The following MB21D2 variants were observed in gnomAD, a reference collection of about 807,000 sequenced individuals.
MB21D2 encodes nucleotidyltransferase MB21D2.
In MB21D2, 9 loss-of-function variants were observed where a neutral mutation model predicts 33.3. The observed-to-expected ratio is 0.27, with a 90% CI of 0.16 to 0.47. The LOEUF (loss-of-function observed/expected upper bound fraction) is 0.47. Ranked by LOEUF, MB21D2 falls within the 20% of genes least tolerant of loss-of-function variation. MB21D2 has a pLI of 0.99. For synonymous variants in MB21D2, 241 were observed against 236.3 expected (o/e 1.02, Z -0.18); for missense variants, 540 against 624.6 (o/e 0.86, Z 1.44).
chr3:192,862,703 A>C (rs1713077061), intron 1 of MB21D2, among the ~76,000 whole-genome samples: 2 of 152,190 alleles, frequency 1.3e-5, no homozygotes, highest in Non-Finnish European at 2.9e-5. Context: ...TCATACACTT[A>C]AGAGAAAAGG....
chr3:192,849,244 A>T (rs76407937), intron 1 of MB21D2, among the ~76,000 whole-genome samples: 2,741 of 139,954 alleles, frequency 0.02, 87 homozygotes, highest in African/African-American at 0.07. Flanking sequence ...GTACTGTGAG[A>T]CTCTTCCTCC....
At chr3:192,878,695 G>A (rs1255274628) in intron 1 of MB21D2, among the ~76,000 whole-genome samples, 1 of 152,176 alleles carries the variant, frequency 6.6e-6, no homozygotes, top group African/African-American at 2.4e-5. Context: ...AGGCTGCAGT[G>A]GCTCATGGCT....
intron 1 of MB21D2, among the ~76,000 whole-genome samples, chr3:192,847,599 T>A (rs1712703287): frequency 6.6e-6 from 1 of 152,184 alleles, no homozygotes; most frequent in Admixed American, 6.5e-5. Context: ...GAAACACCCT[T>A]CACCATAATG....
At chr3:192,840,569 T>A (rs1484256464) in intron 1 of MB21D2, among the ~76,000 whole-genome samples, 1 of 151,982 alleles carries the variant, frequency 6.6e-6, no homozygotes, top group Non-Finnish European at 1.5e-5. Flanking sequence ...CGCAAGAGCA[T>A]CACTTGTTAG....
At chr3:192,859,308 C>G (rs1160681905) in intron 1 of MB21D2, among the ~76,000 whole-genome samples, 1 of 152,204 alleles carries the variant, frequency 6.6e-6, no homozygotes, top group African/African-American at 2.4e-5. Context: ...TACATGCATA[C>G]TCTCTCATCT....
At chr3:192,861,572 C>T (rs963097883) in intron 1 of MB21D2, among the ~76,000 whole-genome samples, 7 of 152,140 alleles carry the variant, frequency 4.6e-5, no homozygotes, top group African/African-American at 1.7e-4. Flanking sequence ...TTTGGGAGGC[C>T]AAGGCGGGTG....
At chr3:192,900,597 A>G (rs926039606) in intron 1 of MB21D2, among the ~76,000 whole-genome samples, 2 of 151,856 alleles carry the variant, frequency 1.3e-5, no homozygotes, top group African/African-American at 4.8e-5. Context: ...CTAAGACTGT[A>G]TAAGTAACAT....
intron 1 of MB21D2, among the ~76,000 whole-genome samples, chr3:192,862,909 T>C (rs931730548): frequency 6.6e-6 from 1 of 152,184 alleles, no homozygotes; most frequent in Non-Finnish European, 1.5e-5. Flanking sequence ...CCTCAAAAAA[T>C]GGTGCCCTGT....
intron 1 of MB21D2, among the ~76,000 whole-genome samples, chr3:192,906,220 CT>C (rs1714213006): frequency 6.6e-6 from 1 of 152,100 alleles, no homozygotes; most frequent in Admixed American, 6.6e-5. Context: ...GACAGAGGGC[CT>C]TTTGAGGACT....
intron 1 of MB21D2, among the ~76,000 whole-genome samples, chr3:192,834,785 G>C (rs1007634735): frequency 6.7e-6 from 1 of 150,298 alleles, no homozygotes; most frequent in African/African-American, 2.5e-5. Context: ...TCTACCACAG[G>C]TACAGATGTT....
rs141992753 is a variant in MB21D2, at chr3:192,884,047, T to C, written c.211+33583A>G. 1.4e-3 allele frequency among the ~76,000 whole-genome samples: 216 copies of C among 152,026 alleles called. 3 individuals are homozygous for C. The South Asian group carries it at 0.018, about 13-fold the overall frequency. ...TCACAGCAAAGTAGGTGAACATGAG[T>C]CAAAACCAGTTAGATTCACACACAT... On this transcript the variant is annotated intron_variant, in intron 1 of 1. Coordinates refer to ENST00000392452, the MANE Select transcript of MB21D2 (RefSeq NM_178496.4).
chr3:192,859,837 G>T lies in MB21D2; in HGVS notation c.211+57793C>A, dbSNP rs1713000453. ...CATCCCATGTGGAGGAAACAATATG[G>T]AAAAGTATTTAGACTTTTCGAGCCT... On this transcript the variant is annotated intron_variant, in intron 1 of 1. Transcript: ENST00000392452. Among the ~76,000 whole-genome samples the T allele has an allele frequency of 2.6e-5, 4 of 152,018 alleles. No homozygotes were observed. The South Asian group carries it at 6.3e-4, about 24-fold the overall frequency.
At chr3:192,860,768 T>C (rs1713024873) in intron 1 of MB21D2, among the ~76,000 whole-genome samples, 1 of 152,122 alleles carries the variant, frequency 6.6e-6, no homozygotes, top group Admixed American at 6.6e-5. Flanking sequence ...GGCAACAATG[T>C]CTCCCAGCTA....
chr3:192,829,791 A>G (rs1395268513), intron 1 of MB21D2, among the ~76,000 whole-genome samples: 1 of 152,226 alleles, frequency 6.6e-6, no homozygotes, highest in Non-Finnish European at 1.5e-5. Context: ...CAGTGGCACG[A>G]TCACAGCTCA....
intron 1 of MB21D2, among the ~76,000 whole-genome samples, chr3:192,893,258 G>T (rs1161971327): frequency 6.6e-6 from 1 of 152,146 alleles, no homozygotes; most frequent in African/African-American, 2.4e-5. Context: ...TTACTTCTTC[G>T]AATGAGAACC....
At chr3:192,820,573 G>A (rs1013458407) in intron 1 of MB21D2, among the ~76,000 whole-genome samples, 5 of 152,182 alleles carry the variant, frequency 3.3e-5, no homozygotes, top group South Asian at 2.1e-4. Flanking sequence ...ATAGACAGAC[G>A]AGGAATGACT....
chr3:192,811,764 A>G (rs1053208373), intron 1 of MB21D2, among the ~76,000 whole-genome samples: 5 of 152,252 alleles, frequency 3.3e-5, no homozygotes, highest in Admixed American at 3.3e-4. Flanking sequence ...TTCCAAAGAG[A>G]ACAATGGGGA....
chr3:192,802,605 C>T (rs570132234), intron 1 of MB21D2, among the ~76,000 whole-genome samples: 1 of 152,278 alleles, frequency 6.6e-6, no homozygotes, highest in African/African-American at 2.4e-5. Flanking sequence ...TTAATATTAA[C>T]CTCATCTTTG....
Position 192,917,695 on chromosome 3 carries a change from C to T in MB21D2, c.146G>A (p.Arg49Gln). ...CAGCGCTCTCTGGTCGTCGTATTCCCGCTGGTCGTGCTTCGTAAATTCTTG... is the reference window on the plus strand; with the variant it reads ...CAGCGCTCTCTGGTCGTCGTATTCCTGCTGGTCGTGCTTCGTAAATTCTTG... The part of the protein sequence containing the change: ...LIQEFTKHDQ[R>Q]EYDDQRALEI... Residue 49 changes from arginine to glutamine, a missense_variant, in exon 1 of 2, where the codon CGG becomes CAG. Physicochemically the swap from Arg to Gln is conservative, Grantham distance 43. Transcript: ENST00000392452. 1.2e-6 allele frequency: 2 copies of T among 1,614,188 alleles called. No homozygotes were observed. The highest frequency in any genetic ancestry group is 1.7e-6 in the Non-Finnish European group (2 of 1,180,030).
Sources: allele counts gnomAD v4.1 joint callset (sites outside exome capture counted in the v4.1 genomes callset), GRCh38; gene constraint gnomAD v4.1.1; transcripts MANE v1.5; gene names NCBI Gene and HGNC (gene_info 2026-07-23, HGNC 2026-07-21).